The following RBFOX1 variants were observed in gnomAD, a reference collection of about 807,000 sequenced individuals.
RBFOX1 encodes the protein RNA binding fox-1 homolog 1.
Under a neutral mutation model 57.7 loss-of-function variants are expected in RBFOX1, and 8 were observed. The observed-to-expected ratio is 0.14, with a 90% CI of 0.08 to 0.25. The LOEUF is 0.25. RBFOX1 is among the 10% of genes least tolerant of loss of function. The pLI, the probability that RBFOX1 is intolerant of heterozygous loss-of-function variation, is 1.00. For missense variants in RBFOX1, 611 were observed against 548.5 expected (o/e 1.11, Z -1.14); for synonymous variants, 326 against 222.4 (o/e 1.47, Z -4.15).
intron 4 of RBFOX1, among the ~76,000 whole-genome samples, chr16:7,467,727 C>A (rs1316654760): frequency 6.6e-6 from 1 of 152,184 alleles, no homozygotes; most frequent in South Asian, 2.1e-4. Flanking sequence ...CTGGGACACC[C>A]CTTATCTTCC....
At chr16:6,975,532 G>C (rs969970171) in intron 3 of RBFOX1, among the ~76,000 whole-genome samples, 1 of 152,112 alleles carries the variant, frequency 6.6e-6, no homozygotes, top group African/African-American at 2.4e-5. Context: ...CTCCCAAAGT[G>C]CTGGGATTAC....
chr16:7,705,607 G>A (rs1347245085), intron 14 of RBFOX1, among the ~76,000 whole-genome samples: 1 of 152,216 alleles, frequency 6.6e-6, no homozygotes, highest in Non-Finnish European at 1.5e-5. Context: ...ATTCAAGTTT[G>A]GATTTTATTC....
chr16:6,885,542 T>A (rs1194183529), intron 3 of RBFOX1, among the ~76,000 whole-genome samples: 5 of 71,572 alleles, frequency 7.0e-5, no homozygotes, highest in Non-Finnish European at 1.3e-4. Context: ...ATTTTTTTTA[T>A]TTTTTTTGAA....
chr16:5,714,519 C>T (rs2051615350), intron 3 of RBFOX1, among the ~76,000 whole-genome samples: 1 of 152,188 alleles, frequency 6.6e-6, no homozygotes, highest in African/African-American at 2.4e-5. Flanking sequence ...GGTATCTGGC[C>T]AACCTGGGTG....
chr16:7,285,362 A>T (rs952876576), intron 4 of RBFOX1, among the ~76,000 whole-genome samples: 1 of 150,848 alleles, frequency 6.6e-6, no homozygotes, highest in African/African-American at 2.4e-5. Context: ...AATTTCCCCA[A>T]TGTTACTTGC....
At chr16:7,646,645 T>C (rs2063793849) in intron 11 of RBFOX1, among the ~76,000 whole-genome samples, 1 of 152,232 alleles carries the variant, frequency 6.6e-6, no homozygotes, top group South Asian at 2.1e-4. Flanking sequence ...CAAAGAATAA[T>C]TGCCCATTAA....
chr16:5,344,306 C>G (rs1232049694), intron 1 of RBFOX1, among the ~76,000 whole-genome samples: 1 of 152,154 alleles, frequency 6.6e-6, no homozygotes, highest in Non-Finnish European at 1.5e-5. Context: ...TTGCCCAGCT[C>G]CCTCTTTCTA....
chr16:6,612,277 A>G (rs1415760378), intron 2 of RBFOX1, among the ~76,000 whole-genome samples: 1 of 152,158 alleles, frequency 6.6e-6, no homozygotes, highest in African/African-American at 2.4e-5. Flanking sequence ...GCATGATCAC[A>G]ACACATTTCT....
intron 5 of RBFOX1, among the ~76,000 whole-genome samples, chr16:7,564,784 T>G (rs2091288002): frequency 7.0e-6 from 1 of 143,270 alleles, no homozygotes. Flanking sequence ...CCTGGCCCCT[T>G]GTACATTCAT....
At chr16:5,592,456 G>A (rs1049938367) in intron 2 of RBFOX1, among the ~76,000 whole-genome samples, 6 of 147,940 alleles carry the variant, frequency 4.1e-5, no homozygotes, top group Non-Finnish European at 5.9e-5. Flanking sequence ...TTGCTTCATC[G>A]TCCAGGCTGG....
At chr16:7,280,774 G>A (rs1309340725) in intron 4 of RBFOX1, among the ~76,000 whole-genome samples, 5 of 152,074 alleles carry the variant, frequency 3.3e-5, no homozygotes. Flanking sequence ...CTTTCCCCAT[G>A]AGACACTAGT....
chr16:6,088,332 T>A (rs1298628902), intron 1 of RBFOX1, among the ~76,000 whole-genome samples: 1 of 152,162 alleles, frequency 6.6e-6, no homozygotes, highest in Non-Finnish European at 1.5e-5. Context: ...TGTCACACAG[T>A]GTTTATTGCC....
chr16:5,312,465 C>G (rs2064118003), intron 1 of RBFOX1, among the ~76,000 whole-genome samples: 1 of 152,056 alleles, frequency 6.6e-6, no homozygotes, highest in African/African-American at 2.4e-5. Context: ...ATTACAGGTG[C>G]CTGCCCGTGA....
chr16:6,216,185 G>T (rs1175924812), intron 1 of RBFOX1, among the ~76,000 whole-genome samples: 1 of 152,062 alleles, frequency 6.6e-6, no homozygotes, highest in Non-Finnish European at 1.5e-5. Flanking sequence ...TGGGTACTGG[G>T]CTTAATACCT....
At chr16:7,328,294 A>G (rs1365524140) in intron 4 of RBFOX1, among the ~76,000 whole-genome samples, 1 of 151,998 alleles carries the variant, frequency 6.6e-6, no homozygotes, top group Non-Finnish European at 1.5e-5. Context: ...ATCCTGGCCA[A>G]CGTGGTGAAA....
intron 1 of RBFOX1, among the ~76,000 whole-genome samples, chr16:6,223,992 G>T (rs1212063086): frequency 6.6e-6 from 1 of 152,096 alleles, no homozygotes; most frequent in African/African-American, 2.4e-5. Flanking sequence ...TGTCAGGTTT[G>T]TCAAAGATCA....
intron 2 of RBFOX1, among the ~76,000 whole-genome samples, chr16:6,476,293 A>G (rs1315904368): frequency 6.6e-6 from 1 of 152,188 alleles, no homozygotes; most frequent in African/African-American, 2.4e-5. Flanking sequence ...AGACATACAC[A>G]TACACTTTAA....
chr16:7,180,281 C>G (rs998893157), intron 4 of RBFOX1, among the ~76,000 whole-genome samples: 1 of 152,092 alleles, frequency 6.6e-6, no homozygotes. Context: ...TTATGTAATG[C>G]TCTAGGGAGG....
intron 4 of RBFOX1, among the ~76,000 whole-genome samples, chr16:6,004,482 C>T (rs537199616): frequency 6.6e-6 from 1 of 152,298 alleles, no homozygotes; most frequent in East Asian, 1.9e-4. Context: ...TGTGATATGC[C>T]TGATGCAATA....
Sources: gnomAD v4.1 joint callset for allele counts (sites outside exome capture counted in the v4.1 genomes callset) on GRCh38, gnomAD v4.1.1 for gene constraint, MANE v1.5 for transcripts, NCBI Gene and HGNC (gene_info 2026-07-23, HGNC 2026-07-21) for gene names.